The following CELF2 variants were observed in gnomAD, a reference collection of about 807,000 sequenced individuals.
CELF2 encodes the protein CUGBP Elav-like family member 2.
A neutral mutation model predicts 62.6 loss-of-function variants in CELF2; 8 were observed. That is an observed-to-expected ratio of 0.13 (90% CI 0.07 to 0.23). The LOEUF is 0.23. Ranked by LOEUF, CELF2 falls within the 10% of genes least tolerant of loss-of-function variation. The pLI, the probability that CELF2 is intolerant of heterozygous loss-of-function variation, is 1.00. For synonymous variants in CELF2, 258 were observed against 250.0 expected (o/e 1.03, Z -0.30); for missense variants, 333 against 671.0 (o/e 0.50, Z 5.56).
At chr10:10,849,168 G>A (rs573555208) in intron 1 of CELF2, among the ~76,000 whole-genome samples, 8 of 151,930 alleles carry the variant, frequency 5.3e-5, no homozygotes, top group African/African-American at 7.2e-5. Flanking sequence ...AGGCTGAGGC[G>A]GGCGGATCTC....
rs1168202634 is a variant in CELF2, at chr10:10,915,090, C to T, written c.54-4874C>T. 2.0e-5 allele frequency among the ~76,000 whole-genome samples: 3 copies of T among 149,240 alleles called. No individual in the cohort carries two copies. In the East Asian group the frequency reaches 5.9e-4, roughly 29 times the overall value. ...GAGGTTGCAGTGAGCCAAGGTCACA[C>T]CATTGCACTCCAGCGTGGGCGACAG... On this transcript the variant is annotated intron_variant, in intron 1 of 13. Coordinates refer to the CELF2 transcript ENST00000636488.
the CELF2 span, among the ~76,000 whole-genome samples, chr10:10,654,876 G>A: frequency 1.5e-4 from 22 of 150,126 alleles, no homozygotes; most frequent in Admixed American, 4.0e-4. Context: ...CAGGGAAATC[G>A]GGCAGGAGAA....
intron 1 of CELF2, among the ~76,000 whole-genome samples, chr10:10,802,186 A>G (rs775839836): frequency 1.3e-5 from 2 of 152,186 alleles, no homozygotes; most frequent in African/African-American, 2.4e-5. Context: ...TAAAAGAATA[A>G]AATAGGCTGG....
At chr10:10,733,959 A>T in the CELF2 span, among the ~76,000 whole-genome samples, 2 of 152,220 alleles carry the variant, frequency 1.3e-5, no homozygotes, top group African/African-American at 2.4e-5. Context: ...GTTAAAAGTG[A>T]ACACCTCTTT....
At chr10:10,632,675 A>C in the CELF2 span, among the ~76,000 whole-genome samples, 10 of 152,314 alleles carry the variant, frequency 6.6e-5, no homozygotes, top group East Asian at 1.5e-3. Context: ...GGTGTTCGCT[A>C]GTCTTTCTTT....
At chr10:10,925,394 G>A (rs1373702924) in intron 2 of CELF2, among the ~76,000 whole-genome samples, 4 of 151,968 alleles carry the variant, frequency 2.6e-5, no homozygotes, top group Admixed American at 1.3e-4. Flanking sequence ...GGTACAGCAT[G>A]CACTAAGTAT....
At position 11,208,138 on chromosome 10, in the gene CELF2, G is replaced by A. The variant is rs562767668; in HGVS notation, c.272-9287G>A. Among the ~76,000 whole-genome samples the A allele has an allele frequency of 5.3e-5, 8 of 152,192 alleles. No homozygotes were observed. The East Asian group carries it at 1.5e-3, about 29-fold the overall frequency. The stretch of plus-strand genomic sequence containing the variant: ...TCTTGGCTCCTGGTGTGACTTGGGG[G>A]CAGCCTGCTAACCTGTAGACTGGTG... On this transcript the variant is annotated intron_variant, in intron 2 of 12. Transcript: ENST00000633077.
the CELF2 span, among the ~76,000 whole-genome samples, chr10:10,679,504 G>T: frequency 2.0e-5 from 3 of 152,222 alleles, no homozygotes; most frequent in East Asian, 5.8e-4. Context: ...TGGCCAGGCT[G>T]GTCTCAAACT....
chr10:10,630,520 T>C, the CELF2 span, among the ~76,000 whole-genome samples: 187 of 152,162 alleles, frequency 1.2e-3, 1 homozygote, highest in African/African-American at 4.4e-3. Context: ...CTCATTAGAT[T>C]AATAGGACTC....
rs1305856209 is a variant in CELF2, at chr10:10,931,288, A to G, written c.89+11289A>G. Among the ~76,000 whole-genome samples the G allele has an allele frequency of 1.3e-5, 2 of 152,228 alleles. No homozygotes were observed. Among genetic ancestry groups the G allele is most frequent in the Non-Finnish European group, 2.9e-5 (2 of 68,036 alleles). ...TATAAAACCAAGCTGAGGCAGTGAC[A>G]TGAGCCAGCAGAGAAAATAAATTCC... On this transcript the variant is annotated intron_variant, in intron 2 of 13. Coordinates refer to the CELF2 transcript ENST00000636488. This position sits in a 1 kb window ranked among gnomAD's most constrained non-coding sequence, Gnocchi z 6.1.
At chr10:11,131,349 G>T (rs191987046) in intron 1 of CELF2, among the ~76,000 whole-genome samples, 79 of 152,280 alleles carry the variant, frequency 5.2e-4, no homozygotes, top group Admixed American at 9.2e-4. Flanking sequence ...TCAGTCACTC[G>T]AGGAAAGGTG....
chr10:10,533,474 A>G, the CELF2 span, among the ~76,000 whole-genome samples: 1 of 152,198 alleles, frequency 6.6e-6, no homozygotes, highest in Non-Finnish European at 1.5e-5. Context: ...TTTTTACAAA[A>G]CTGCCTCCTG....
intron 3 of CELF2, among the ~76,000 whole-genome samples, chr10:11,228,506 A>T (rs982075611): frequency 6.6e-6 from 1 of 152,222 alleles, no homozygotes; most frequent in South Asian, 2.1e-4. Context: ...TTAACTAGAT[A>T]CAAGTATGAT....
chr10:10,647,639 C>T, the CELF2 span, among the ~76,000 whole-genome samples: 29,943 of 152,090 alleles, frequency 0.2, 3,439 homozygotes, highest in Non-Finnish European at 0.27. Flanking sequence ...TCCTCTGTGA[C>T]GTGATGGAGC....
Position 11,054,507 on chromosome 10 carries a change from G to GTGTGTGTGTGTGTGTA in CELF2, c.74+36359_74+36360insATGTGTGTGTGTGTGT, listed in dbSNP as rs1554804124. Among the ~76,000 whole-genome samples the GTGTGTGTGTGTGTGTA allele has an allele frequency of 3.6e-3, 540 of 151,268 alleles. 3 individuals are homozygous for GTGTGTGTGTGTGTGTA. Among genetic ancestry groups the GTGTGTGTGTGTGTGTA allele is most frequent in the African/African-American group, 0.013 (523 of 41,020 alleles). On this transcript the variant is annotated intron_variant, in intron 1 of 12. Transcript: ENST00000633077. Reference sequence around the variant, plus strand: ...TGTGTGTTTGTGTGTGTGTGTGTGTGTGTGTGTGTGTGTGTTAATAGGACC... The same window carrying GTGTGTGTGTGTGTGTA: ...TGTGTGTTTGTGTGTGTGTGTGTGTGTGTGTGTGTGTGTGTATGTGTGTGTGTGTGTTAATAGGACC...
chr10:10,725,279 T>C, the CELF2 span, among the ~76,000 whole-genome samples: 1 of 152,182 alleles, frequency 6.6e-6, no homozygotes, highest in East Asian at 1.9e-4. Flanking sequence ...ATTCAGGGTG[T>C]TCTTTCTGTC....
the CELF2 span, among the ~76,000 whole-genome samples, chr10:10,746,946 TAG>T: frequency 6.6e-6 from 1 of 152,336 alleles, no homozygotes; most frequent in Admixed American, 6.5e-5. Flanking sequence ...GTATGGGAGA[TAG>T]AAAGTGTTAT....
At chr10:11,018,216 TCGGCGGCG>T in intron 1 of CELF2, 53 bp downstream of exon 1, 1 of 1,453,058 alleles carries the variant, frequency 6.9e-7, no homozygotes, top group Non-Finnish European at 9.2e-7. Flanking sequence ...CCTCCCAGAG[TCGGCGGCG>T]CGAAGGGGAC....
At chr10:11,070,408 A>C (rs754850558) in intron 1 of CELF2, among the ~76,000 whole-genome samples, 3 of 152,208 alleles carry the variant, frequency 2.0e-5, no homozygotes, top group Non-Finnish European at 4.4e-5. Flanking sequence ...GAACAAGGGA[A>C]GCCATCTAAG....
Sources: gnomAD v4.1 joint callset for allele counts (sites outside exome capture counted in the v4.1 genomes callset) on GRCh38, gnomAD v4.1.1 for gene constraint, Gnocchi (gnomAD v3.1) non-coding constraint, MANE v1.5 for transcripts, NCBI Gene and HGNC (gene_info 2026-07-23, HGNC 2026-07-21) for gene names.